TSG101: variants seen among roughly 807,000 people sequenced by gnomAD.
TSG101 encodes tumor susceptibility 101.
In TSG101, 19 loss-of-function variants were observed where a neutral mutation model predicts 48.5. The ratio of observed to expected loss-of-function variants is 0.39; its 90% CI spans 0.27 to 0.58. The LOEUF is 0.58. TSG101 is among the 20% of genes least tolerant of loss of function. TSG101 has a pLI of 0.55. For missense variants in TSG101, 365 were observed against 484.4 expected, an observed-to-expected ratio of 0.75 and a Z score of 2.31; for synonymous variants, 174 against 169.4, an observed-to-expected ratio of 1.03 and a Z score of -0.21.
chr11:18,510,838 C>T (rs568058620), intron 4 of TSG101, among the ~76,000 whole-genome samples: 1 of 152,208 alleles, frequency 6.6e-6, no homozygotes, highest in South Asian at 2.1e-4. Flanking sequence ...GGGAGGATCA[C>T]CTGAGCCAGG....
intron 2 of TSG101, among the ~76,000 whole-genome samples, chr11:18,519,295 C>G (rs550185318): frequency 6.6e-6 from 1 of 152,274 alleles, no homozygotes; most frequent in Admixed American, 6.5e-5. Context: ...TGAGCCACCA[C>G]ATCCAGGTAC....
At chr11:18,496,391 G>A (rs542180081) in intron 7 of TSG101, among the ~76,000 whole-genome samples, 73 of 150,752 alleles carry the variant, frequency 4.8e-4, no homozygotes, top group Non-Finnish European at 8.5e-4. Context: ...ACAGTGAGCC[G>A]AGATCATGCC....
intron 6 of TSG101, among the ~76,000 whole-genome samples, chr11:18,505,081 G>A (rs566293393): frequency 2.4e-4 from 37 of 152,006 alleles, no homozygotes; most frequent in Non-Finnish European, 5.0e-4. Context: ...CAAGATCCTA[G>A]ATATTATATA....
At chr11:18,523,174 T>C (rs1010030247) in intron 1 of TSG101, among the ~76,000 whole-genome samples, 5 of 152,168 alleles carry the variant, frequency 3.3e-5, no homozygotes, top group African/African-American at 7.2e-5. Flanking sequence ...GGATTTCAGG[T>C]GTAAGCCCCA....
intron 7 of TSG101, among the ~76,000 whole-genome samples, chr11:18,494,489 T>G (rs965299841): frequency 1.3e-5 from 2 of 152,214 alleles, no homozygotes; most frequent in Non-Finnish European, 2.9e-5. Flanking sequence ...ACACAATAGC[T>G]TTTTTAAAAG....
chr11:18,511,522 C>G (rs942974600), intron 4 of TSG101: 1 of 152,196 alleles, frequency 6.6e-6, no homozygotes, highest in Non-Finnish European at 1.5e-5. Flanking sequence ...CTCACAGATA[C>G]TGTGGCTGGT....
chr11:18,517,637 G>A (rs1322651252), intron 2 of TSG101, among the ~76,000 whole-genome samples: 2 of 152,160 alleles, frequency 1.3e-5, no homozygotes, highest in East Asian at 1.9e-4. Flanking sequence ...AACTGCCTAT[G>A]GTATGCAGTA....
chr11:18,481,001 A>G (rs1490366175), intron 9 of TSG101, among the ~76,000 whole-genome samples: 1 of 152,178 alleles, frequency 6.6e-6, no homozygotes, highest in African/African-American at 2.4e-5. Context: ...CCCCACAGTG[A>G]GAGGAGATAG....
chr11:18,483,837 C>A (rs1242256319), intron 8 of TSG101, 33 bp downstream of exon 8: 1 of 1,610,486 alleles, frequency 6.2e-7, no homozygotes, highest in Non-Finnish European at 8.5e-7. Context: ...ACAATTCAAT[C>A]CAAAAATTTT....
At chr11:18,502,370 T>C (rs1849902082) in intron 7 of TSG101, 116 bp downstream of exon 7, 6 of 700,400 alleles carry the variant, frequency 8.6e-6, no homozygotes, top group East Asian at 3.0e-5. Flanking sequence ...TACATTATTA[T>C]AGGTTTTCCT....
intron 4 of TSG101, 101 bp from the exon 5 acceptor site, chr11:18,509,766 T>C: frequency 3.0e-6 from 4 of 1,331,480 alleles, no homozygotes; most frequent in Non-Finnish European, 3.0e-6. Context: ...GCTTGATAAT[T>C]TTCTTTGTAG....
rs764132199 is a variant in TSG101, at chr11:18,526,890, A to G, written c.-74T>C. ...GCTGGGCTGCCCCAGACCGTCCCAC[A>G]CAATCGCACACCCCCAACCCGGCCT... On this transcript the variant is annotated 5_prime_UTR_variant, in exon 1 of 10. Coordinates refer to ENST00000251968, the MANE Select transcript of TSG101 (RefSeq NM_006292.4). 155 of 1,510,680 alleles carry G rather than the reference A, an allele frequency of 1.0e-4. No individual in the cohort carries two copies. The highest frequency in any genetic ancestry group is 1.3e-4 in the Non-Finnish European group (147 of 1,117,794). The allele number at this position is 1,510,680 out of a possible 1,614,324, so 93.6% of individuals were successfully genotyped here.
chr11:18,492,635 C>T (rs1052035118), intron 7 of TSG101, among the ~76,000 whole-genome samples: 4 of 151,928 alleles, frequency 2.6e-5, no homozygotes, highest in African/African-American at 7.3e-5. Flanking sequence ...AGGCAGCAGT[C>T]GCTTGGCCTA....
At chr11:18,521,970 G>A (rs1850286105) in intron 1 of TSG101, among the ~76,000 whole-genome samples, 1 of 152,092 alleles carries the variant, frequency 6.6e-6, no homozygotes, top group African/African-American at 2.4e-5. Flanking sequence ...GAGCCATCAT[G>A]CCCAGCTCCC....
At chr11:18,492,483 A>G (rs986669398) in intron 7 of TSG101, among the ~76,000 whole-genome samples, 2 of 152,242 alleles carry the variant, frequency 1.3e-5, no homozygotes, top group African/African-American at 4.8e-5. Flanking sequence ...ATTTTTAAAA[A>G]CACACATTTA....
intron 1 of TSG101, among the ~76,000 whole-genome samples, chr11:18,523,178 A>G (rs1399232341): frequency 6.6e-6 from 1 of 152,150 alleles, no homozygotes; most frequent in African/African-American, 2.4e-5. Context: ...TTCAGGTGTA[A>G]GCCCCATGTC....
chr11:18,483,931 T>C lies in TSG101; in HGVS notation c.782A>G (p.Glu261Gly). 6.2e-7 allele frequency: 1 copy of C among 1,614,188 alleles called. No individual in the cohort carries two copies. Among genetic ancestry groups the C allele is most frequent in the Non-Finnish European group, 8.5e-7 (1 of 1,180,026 alleles). ...TTTCTGGTGACCCTTTTTCAGGTCT[T>C]CTTCTGTTCGTTTCAAGGCATTGAG... ...AELNALKRTE[E>G]DLKKGHQKLE... Residue 261 changes from glutamate (E) to glycine (G), a missense_variant, in exon 8 of 10, where the codon GAA becomes GGA. By Grantham distance (98) the Glu-to-Gly change is moderately conservative. Coordinates refer to ENST00000251968, the MANE Select transcript of TSG101 (RefSeq NM_006292.4).
intron 7 of TSG101, among the ~76,000 whole-genome samples, chr11:18,489,499 C>G (rs1849668376): frequency 6.6e-6 from 1 of 152,152 alleles, no homozygotes; most frequent in African/African-American, 2.4e-5. Context: ...AAAATAGATT[C>G]CATTATTGAA....
chr11:18,511,226 T>TCC (rs1010009904), intron 4 of TSG101: 1 of 152,174 alleles, frequency 6.6e-6, no homozygotes, highest in African/African-American at 2.4e-5. Flanking sequence ...TCAACAATCT[T>TCC]CCTGCTTCAG....
Sources: gnomAD v4.1 joint callset for allele counts (sites outside exome capture counted in the v4.1 genomes callset) on GRCh38, gnomAD v4.1.1 for gene constraint, MANE v1.5 for transcripts, NCBI Gene and HGNC (gene_info 2026-07-23, HGNC 2026-07-21) for gene names.